The following LRRTM4 variants were observed in gnomAD, a reference collection of about 807,000 sequenced individuals.
LRRTM4 encodes leucine-rich repeat transmembrane neuronal protein 4.
LRRTM4 carries 25 observed loss-of-function variants against 47.6 expected under a neutral mutation model. The observed-to-expected ratio is 0.53, with a 90% confidence interval of 0.38 to 0.73. The LOEUF (loss-of-function observed/expected upper bound fraction) is 0.73, where lower values mean the gene tolerates loss of function less well. Among genes scored for constraint, LRRTM4 ranks in the 30% least tolerant of loss-of-function variants. The pLI is 0.00. For missense variants in LRRTM4, 638 were observed against 713.4 expected (o/e 0.89, Z 1.20); for synonymous variants, 311 against 269.5 (o/e 1.15, Z -1.51).
chr2:77,117,657 CAAAT>C (rs1357440402), intron 3 of LRRTM4, among the ~76,000 whole-genome samples: 1 of 151,756 alleles, frequency 6.6e-6, no homozygotes, highest in African/African-American at 2.4e-5. Flanking sequence ...ATTCGTGCAA[CAAAT>C]AAAATCAGCT....
At position 77,478,245 on chromosome 2, in the gene LRRTM4, A is replaced by T. The variant is rs1361830794; in HGVS notation, c.1551+40073T>A. Among the ~76,000 whole-genome samples, 3 of 152,322 alleles carry T rather than the reference A, an allele frequency of 2.0e-5. No homozygotes were observed. In the East Asian group the frequency reaches 5.8e-4, roughly 29 times the overall value. On this transcript the variant is annotated intron_variant, in intron 3 of 3. Coordinates refer to ENST00000409884, the MANE Select transcript of LRRTM4 (RefSeq NM_001134745.3). ...CACACCATTTCAAATTTTATTTATG[A>T]AAATCATCTTTTTGTTGTTATTACA...
chr2:77,130,629 A>G (rs1671769446), intron 3 of LRRTM4, among the ~76,000 whole-genome samples: 1 of 150,000 alleles, frequency 6.7e-6, no homozygotes, highest in African/African-American at 2.5e-5. Context: ...CTCCTGCCTC[A>G]GCCTACAGAG....
intron 3 of LRRTM4, among the ~76,000 whole-genome samples, chr2:77,069,429 G>T (rs999788561): frequency 9.3e-5 from 14 of 149,774 alleles, no homozygotes; most frequent in Non-Finnish European, 1.5e-4. Flanking sequence ...GTGTGTGTGT[G>T]TGTGTGTGTT....
At chr2:76,837,207 T>C (rs1031257643) in intron 3 of LRRTM4, among the ~76,000 whole-genome samples, 12 of 152,286 alleles carry the variant, frequency 7.9e-5, no homozygotes, top group Admixed American at 2.6e-4. Flanking sequence ...GTAGTTTATA[T>C]TTCTGTGGGA....
rs537707351 is a variant in LRRTM4, at chr2:76,882,839, G to T, written c.1552-133923C>A. ...ATCAAGGAGGAATCTGCACTCCAGA[G>T]CTACAGACAGGAGTCCTGTCCCTCC... On this transcript the variant is annotated intron_variant, in intron 3 of 3. Transcript: ENST00000409884. Among the ~76,000 whole-genome samples, 4 of 152,194 alleles carry T rather than the reference G, an allele frequency of 2.6e-5. No individual in the cohort carries two copies. In the East Asian group the frequency reaches 7.8e-4, roughly 30 times the overall value.
At chr2:76,795,856 C>T (rs551575064) in intron 3 of LRRTM4, among the ~76,000 whole-genome samples, 41 of 152,122 alleles carry the variant, frequency 2.7e-4, no homozygotes, top group Middle Eastern at 3.4e-3. Flanking sequence ...CAGCTCCCAG[C>T]GTGAGCGACG....
rs1573384414 is a variant in LRRTM4 at position 76,970,248 on chromosome 2, C to T, written c.1552-221332G>A. ...AGAATATTTAAAATCTCTAAGAGCC[C>T]AATATATACATATAACGAAGTACAT... On this transcript the variant is annotated intron_variant, in intron 3 of 3. Coordinates refer to ENST00000409884, the MANE Select transcript of LRRTM4 (RefSeq NM_001134745.3). 2.0e-5 allele frequency among the ~76,000 whole-genome samples: 3 copies of T among 152,004 alleles called. No homozygotes were observed. In the East Asian group the frequency reaches 5.9e-4, roughly 30 times the overall value.
chr2:76,836,249 G>A (rs1671509993), intron 3 of LRRTM4, among the ~76,000 whole-genome samples: 2 of 151,450 alleles, frequency 1.3e-5, no homozygotes, highest in South Asian at 2.1e-4. Context: ...TTGGACTTTG[G>A]CCCAATCACA....
At chr2:77,154,239 GCT>G (rs899678814) in intron 3 of LRRTM4, among the ~76,000 whole-genome samples, 2 of 152,114 alleles carry the variant, frequency 1.3e-5, no homozygotes, top group Non-Finnish European at 2.9e-5. Context: ...GGCTAAATAT[GCT>G]CTGTAGTCCA....
chr2:77,161,049 G>T (rs1312997884), intron 3 of LRRTM4, among the ~76,000 whole-genome samples: 2 of 152,110 alleles, frequency 1.3e-5, no homozygotes, highest in Admixed American at 1.3e-4. Context: ...ACTTCCAGAA[G>T]TTAGATGACC....
chr2:77,013,609 G>C (rs143244497), intron 3 of LRRTM4, among the ~76,000 whole-genome samples: 5 of 152,000 alleles, frequency 3.3e-5, no homozygotes, highest in African/African-American at 1.2e-4. Flanking sequence ...AACAGGATAC[G>C]AGTTACAATA....
At chr2:77,081,247 AACACACACAC>A (rs58897041) in intron 3 of LRRTM4, among the ~76,000 whole-genome samples, 10,343 of 139,936 alleles carry the variant, frequency 0.074, 514 homozygotes, top group African/African-American at 0.14. Context: ...ACCTGACAGC[AACACACACAC>A]ACACACACAC....
rs1674774861 is a variant in LRRTM4, at chr2:76,931,709, G to A, written c.1552-182793C>T. 2.0e-5 allele frequency among the ~76,000 whole-genome samples: 3 copies of A among 152,114 alleles called. No individual in the cohort carries two copies. In the South Asian group the frequency reaches 6.2e-4, roughly 31 times the overall value. On this transcript the variant is annotated intron_variant, in intron 3 of 3. Transcript: ENST00000409884. ...TAAGGTCTTGATTTAAAGAAGAAAA[G>A]TATAAAAATTCATTTGGCCCTCAGT...
In LRRTM4 at chr2:77,125,901, C is replaced by T. The variant is rs201346249; in HGVS notation, c.1552-376985G>A. Among the ~76,000 whole-genome samples the T allele has an allele frequency of 3.1e-4, 34 of 109,894 alleles. 1 individual carries two copies. The East Asian group carries it at 7.5e-3, about 24-fold the overall frequency. 72.1% of individuals were successfully genotyped at this position (109,894 alleles called of 152,430 possible). On this transcript the variant is annotated intron_variant, in intron 3 of 3. Coordinates refer to ENST00000409884, the MANE Select transcript of LRRTM4 (RefSeq NM_001134745.3). The stretch of plus-strand genomic sequence containing the variant: ...GTGCACATATGTGTAAATATATATG[C>T]GTTGAATATATATATATATATATAC...
At chr2:77,075,439 T>C (rs570611491) in intron 3 of LRRTM4, among the ~76,000 whole-genome samples, 1 of 152,246 alleles carries the variant, frequency 6.6e-6, no homozygotes, top group Admixed American at 6.5e-5. Context: ...TCACAGAAGT[T>C]TGTGTCTTGT....
intron 3 of LRRTM4, among the ~76,000 whole-genome samples, chr2:77,434,308 A>G (rs1159005676): frequency 6.6e-6 from 1 of 152,168 alleles, no homozygotes; most frequent in Non-Finnish European, 1.5e-5. Context: ...GGAACCAGGA[A>G]AATAAAAATG....
chr2:77,189,652 G>C (rs1180048664), intron 3 of LRRTM4, among the ~76,000 whole-genome samples: 1 of 152,180 alleles, frequency 6.6e-6, no homozygotes, highest in South Asian at 2.1e-4. Flanking sequence ...TACACTTCCA[G>C]TCTTCAGAAC....
intron 3 of LRRTM4, among the ~76,000 whole-genome samples, chr2:77,361,368 T>A (rs1277314535): frequency 4.6e-5 from 7 of 152,166 alleles, no homozygotes; most frequent in Non-Finnish European, 1.0e-4. Flanking sequence ...CAAGCTAAAC[T>A]CTACCCCTTT....
intron 3 of LRRTM4, among the ~76,000 whole-genome samples, chr2:77,270,355 G>C (rs563774783): frequency 6.6e-6 from 1 of 152,144 alleles, no homozygotes; most frequent in Non-Finnish European, 1.5e-5. Context: ...ACTAAAAGGA[G>C]ATTATTTATA....
Sources: allele counts gnomAD v4.1 joint callset (sites outside exome capture counted in the v4.1 genomes callset), GRCh38; gene constraint gnomAD v4.1.1; transcripts MANE v1.5; gene names NCBI Gene and HGNC (gene_info 2026-07-23, HGNC 2026-07-21).